DNAH3: variants seen among roughly 807,000 people sequenced by gnomAD.
DNAH3 encodes the protein axonemal beta dynein heavy chain 3.
Under a neutral mutation model 432.5 loss-of-function variants are expected in DNAH3, and 332 were observed. The ratio of observed to expected loss-of-function variants is 0.77; its 90% CI spans 0.70 to 0.84. The LOEUF is 0.84. DNAH3 is among the 40% of genes least tolerant of loss of function. The pLI is 0.00. For missense variants in DNAH3, 4,861 were observed against 5,114.0 expected (o/e 0.95, Z 1.51); for synonymous variants, 1,956 against 1,900.2 (o/e 1.03, Z -0.76).
At chr16:21,095,019 A>G (rs139259585) in intron 18 of DNAH3, among the ~76,000 whole-genome samples, 16 of 152,224 alleles carry the variant, frequency 1.1e-4, no homozygotes, top group Admixed American at 2.6e-4. Context: ...TTCTTTACAA[A>G]TTACCCAGTC....
At chr16:21,007,768 A>T (rs1453191882) in intron 41 of DNAH3, among the ~76,000 whole-genome samples, 1 of 152,130 alleles carries the variant, frequency 6.6e-6, no homozygotes, top group Non-Finnish European at 1.5e-5. Context: ...TTAAGACATC[A>T]TTGCCTACTC....
At chr16:20,992,279 G>A (rs374877199) in intron 44 of DNAH3, among the ~76,000 whole-genome samples, 4 of 152,106 alleles carry the variant, frequency 2.6e-5, no homozygotes, top group Admixed American at 1.3e-4. Context: ...ATGTGAGTCC[G>A]GTAATCTTTG....
rs376196709 is a variant in DNAH3, at chr16:21,050,274, C to T, written c.4239-256G>A. On this transcript the variant is annotated intron_variant, in intron 29 of 61. Transcript: ENST00000261383. ...TAACCTCAGAGCCCAGCACAGTGTC[C>T]AGCACATGAGTGGCACCCATGAATA... Among the ~76,000 whole-genome samples the T allele has an allele frequency of 5.2e-4, 79 of 152,222 alleles. 1 individual carries two copies. The South Asian group carries it at 0.016, about 32-fold the overall frequency.
chr16:20,958,915 G>GTAAT (rs1362664167), intron 54 of DNAH3, among the ~76,000 whole-genome samples: 2 of 152,100 alleles, frequency 1.3e-5, no homozygotes, highest in Non-Finnish European at 2.9e-5. Context: ...TTACAGGTGT[G>GTAAT]CGCCACTATG....
At chr16:21,108,091 C>T (rs564506735) in intron 14 of DNAH3, among the ~76,000 whole-genome samples, 63 of 152,234 alleles carry the variant, frequency 4.1e-4, no homozygotes, top group Non-Finnish European at 7.2e-4. Context: ...CCAGGCTGGT[C>T]TTGAACTCCT....
intron 41 of DNAH3, among the ~76,000 whole-genome samples, chr16:21,007,534 T>C (rs574571273): frequency 6.6e-6 from 1 of 152,276 alleles, no homozygotes; most frequent in African/African-American, 2.4e-5. Flanking sequence ...TCTATTCAGA[T>C]ATTTTGCCCA....
At chr16:21,031,189 G>C (rs769439059) in exon 37 of DNAH3, 1 of 1,614,098 alleles carries the variant, frequency 6.2e-7, no homozygotes, top group South Asian at 1.1e-5. Flanking sequence ...CCATCCACTC[G>C]TGGCTCACTT....
At chr16:21,098,846 T>C in intron 16 of DNAH3, 77 bp from the exon 17 acceptor site, 1 of 1,451,268 alleles carries the variant, frequency 6.9e-7, no homozygotes, top group Admixed American at 2.3e-5. Flanking sequence ...TGCTTGCCCA[T>C]ATTTAAGCCT....
At chr16:21,140,696 A>G in exon 5 of DNAH3, 1 of 1,614,056 alleles carries the variant, frequency 6.2e-7, no homozygotes. Context: ...TGACGTCTTG[A>G]AGGCCAACTT....
At chr16:21,057,587 T>C (rs2090180347) in intron 27 of DNAH3, among the ~76,000 whole-genome samples, 1 of 152,202 alleles carries the variant, frequency 6.6e-6, no homozygotes, top group African/African-American at 2.4e-5. Flanking sequence ...CAGTCAAGCA[T>C]TGGCATCATT....
At chr16:20,977,138 GC>G (rs2085630020) in intron 50 of DNAH3, among the ~76,000 whole-genome samples, 1 of 152,122 alleles carries the variant, frequency 6.6e-6, no homozygotes, top group African/African-American at 2.4e-5. Context: ...ACTTTGGGAG[GC>G]TGAGGTGGGC....
chr16:21,025,011 G>A (rs762893855), intron 38 of DNAH3, among the ~76,000 whole-genome samples: 7 of 152,034 alleles, frequency 4.6e-5, no homozygotes, highest in Non-Finnish European at 7.4e-5. Context: ...TGCAACCTCC[G>A]CCTCCCTGGT....
intron 41 of DNAH3, among the ~76,000 whole-genome samples, chr16:21,016,353 C>G (rs1490931156): frequency 6.6e-6 from 1 of 152,148 alleles, no homozygotes; most frequent in Non-Finnish European, 1.5e-5. Context: ...GAGACACATA[C>G]ATGCATAAGA....
chr16:21,034,723 T>G (rs2089074218), intron 35 of DNAH3, among the ~76,000 whole-genome samples: 1 of 152,206 alleles, frequency 6.6e-6, no homozygotes, highest in South Asian at 2.1e-4. Flanking sequence ...TTCTTATTAT[T>G]TTTCACCTTG....
chr16:21,100,354 G>A, intron 16 of DNAH3, among the ~76,000 whole-genome samples: 1 of 152,186 alleles, frequency 6.6e-6, no homozygotes, highest in East Asian at 1.9e-4. Context: ...TTACAAGCAT[G>A]AGCCACATAT....
intron 54 of DNAH3, among the ~76,000 whole-genome samples, chr16:20,957,674 T>C (rs902247396): frequency 6.6e-5 from 10 of 151,602 alleles, no homozygotes; most frequent in Non-Finnish European, 1.5e-4. Context: ...TAGCCATGCA[T>C]GGTGGTGCAT....
At chr16:21,107,386 C>G (rs1348316473) in intron 14 of DNAH3, among the ~76,000 whole-genome samples, 1 of 151,770 alleles carries the variant, frequency 6.6e-6, no homozygotes, top group African/African-American at 2.4e-5. Context: ...ATTACAGGTG[C>G]CTGCCACCAT....
At chr16:20,974,626 T>G (rs12918572) in intron 51 of DNAH3, among the ~76,000 whole-genome samples, 37,013 of 136,926 alleles carry the variant, frequency 0.27, 5,612 homozygotes, top group South Asian at 0.47. Flanking sequence ...TTGCTACGTT[T>G]CCCAGGCTGG....
chr16:21,046,877 AC>A (rs2089723621), intron 31 of DNAH3, among the ~76,000 whole-genome samples: 1 of 151,910 alleles, frequency 6.6e-6, no homozygotes, highest in Non-Finnish European at 1.5e-5. Flanking sequence ...CCTGGTGGTG[AC>A]AAAATTTCTC....
Sources: gnomAD v4.1 joint callset for allele counts (sites outside exome capture counted in the v4.1 genomes callset) on GRCh38, gnomAD v4.1.1 for gene constraint, MANE v1.5 for transcripts, NCBI Gene and HGNC (gene_info 2026-07-23, HGNC 2026-07-21) for gene names.